The following FBXL17 variants were observed in gnomAD, a reference collection of about 807,000 sequenced individuals.
FBXL17 encodes the protein F-box and leucine rich repeat protein 17.
A neutral mutation model predicts 66.2 loss-of-function variants in FBXL17; 22 were observed. The observed-to-expected ratio is 0.33, with a 90% CI of 0.24 to 0.47. The LOEUF is 0.47. Among genes scored for constraint, FBXL17 ranks in the 20% least tolerant of loss-of-function variants. The pLI, the probability that FBXL17 is intolerant of heterozygous loss-of-function variation, is 1.00. For missense variants in FBXL17, 878 were observed against 948.2 expected (o/e 0.93, Z 0.97); for synonymous variants, 474 against 400.5 (o/e 1.18, Z -2.19).
At chr5:108,154,205 A>ATT (rs1380540387) in intron 6 of FBXL17, among the ~76,000 whole-genome samples, 9 of 150,752 alleles carry the variant, frequency 6.0e-5, no homozygotes, top group African/African-American at 1.7e-4. Flanking sequence ...GAGAGAGAGG[A>ATT]GAGAAAGGGA....
chr5:108,049,705 T>A (rs1747397941), intron 6 of FBXL17, among the ~76,000 whole-genome samples: 1 of 152,114 alleles, frequency 6.6e-6, no homozygotes, highest in African/African-American at 2.4e-5. Context: ...CCAGCTAGCA[T>A]CATGATGACA....
At chr5:108,139,626 A>G (rs962597152) in intron 6 of FBXL17, among the ~76,000 whole-genome samples, 4 of 152,136 alleles carry the variant, frequency 2.6e-5, no homozygotes, top group Non-Finnish European at 2.9e-5. Context: ...GCCCTACCCA[A>G]TTGCTTCTCT....
At chr5:107,964,701 A>G (rs1752051013) in intron 7 of FBXL17, among the ~76,000 whole-genome samples, 1 of 152,194 alleles carries the variant, frequency 6.6e-6, no homozygotes, top group Admixed American at 6.6e-5. Context: ...CTCAATTTAC[A>G]TAAAAAGAAG....
At chr5:108,084,616 T>A (rs2149922789) in intron 6 of FBXL17, among the ~76,000 whole-genome samples, 1 of 152,364 alleles carries the variant, frequency 6.6e-6, no homozygotes, top group Non-Finnish European at 1.5e-5. Flanking sequence ...AATAATTTTC[T>A]GAAAGAACTC....
At chr5:107,938,319 A>G (rs1426150118) in intron 7 of FBXL17, among the ~76,000 whole-genome samples, 1 of 151,810 alleles carries the variant, frequency 6.6e-6, no homozygotes, top group African/African-American at 2.4e-5. Context: ...AGAAAAGCTG[A>G]GATCAACTTG....
intron 7 of FBXL17, among the ~76,000 whole-genome samples, chr5:107,908,574 G>A (rs1749839105): frequency 6.6e-6 from 1 of 152,170 alleles, no homozygotes; most frequent in African/African-American, 2.4e-5. Context: ...TCTCCATAAA[G>A]AGCTATGGAT....
intron 1 of FBXL17, among the ~76,000 whole-genome samples, chr5:108,370,008 A>G (rs1451374443): frequency 2.6e-5 from 4 of 152,198 alleles, no homozygotes; most frequent in African/African-American, 9.7e-5. Context: ...TGGACAGGAC[A>G]CCAATGCACC....
chr5:108,040,230 C>T (rs2112801493), intron 6 of FBXL17, among the ~76,000 whole-genome samples: 1 of 152,182 alleles, frequency 6.6e-6, no homozygotes, highest in South Asian at 2.1e-4. Flanking sequence ...AAACAGCTTA[C>T]TTGTGAAAAA....
At chr5:108,045,205 G>C (rs1747205958) in intron 6 of FBXL17, among the ~76,000 whole-genome samples, 1 of 152,132 alleles carries the variant, frequency 6.6e-6, no homozygotes, top group African/African-American at 2.4e-5. Context: ...ACTTTGGGAG[G>C]CTGAGGCAGG....
At chr5:108,010,419 C>T (rs992806421) in intron 7 of FBXL17, among the ~76,000 whole-genome samples, 4 of 152,140 alleles carry the variant, frequency 2.6e-5, no homozygotes, top group Admixed American at 2.6e-4. Context: ...CAAGAAACTA[C>T]AAGCTTTTAG....
rs1489491474 is a variant in FBXL17 at position 107,859,472 on chromosome 5, C to T, written c.*2248G>A. 3.8e-5 allele frequency: 5 copies of T among 132,968 alleles called. No individual in the cohort carries two copies. Among genetic ancestry groups the T allele is most frequent in the Non-Finnish European group, 7.7e-5 (5 of 64,946 alleles). 8.2% of individuals were successfully genotyped at this position (132,968 alleles called of 1,614,324 possible). ...ATTTCTACGGATTTCTACAAATGTACCAAAGCAGTTTTCCAGATTATGTTG... is the reference window on the plus strand; with the variant it reads ...ATTTCTACGGATTTCTACAAATGTATCAAAGCAGTTTTCCAGATTATGTTG... On this transcript the variant is annotated 3_prime_UTR_variant, in exon 9 of 9. Transcript: ENST00000542267.
intron 6 of FBXL17, among the ~76,000 whole-genome samples, chr5:108,105,095 C>A (rs558094278): frequency 3.0e-4 from 46 of 152,300 alleles, no homozygotes; most frequent in African/African-American, 1.1e-3. Context: ...CCCGCCTCGG[C>A]CTCCCGAAGT....
At chr5:108,273,929 T>C (rs1167078115) in intron 4 of FBXL17, among the ~76,000 whole-genome samples, 3 of 152,098 alleles carry the variant, frequency 2.0e-5, no homozygotes, top group Non-Finnish European at 4.4e-5. Context: ...AACTATTATG[T>C]AAAAATCTAG....
rs1165208435 is a variant in FBXL17, at chr5:108,326,045, C to T, written c.1506+22354G>A. On this transcript the variant is annotated intron_variant, in intron 4 of 8. Transcript: ENST00000542267. ...CTGAGTTTACACTTTAAGGGTGGAACATGATAAACAAACAATAACAGAGAA... is the reference window on the plus strand; with the variant it reads ...CTGAGTTTACACTTTAAGGGTGGAATATGATAAACAAACAATAACAGAGAA... 6.8e-4 allele frequency among the ~76,000 whole-genome samples: 104 copies of T among 152,200 alleles called. 1 individual carries two copies. The highest frequency in any genetic ancestry group is 6.8e-3 in the Admixed American group (104 of 15,282).
chr5:107,934,911 G>T (rs552341064), intron 7 of FBXL17, among the ~76,000 whole-genome samples: 1 of 152,156 alleles, frequency 6.6e-6, no homozygotes, highest in East Asian at 1.9e-4. Flanking sequence ...ACAATCGCTG[G>T]CCTAAAACAC....
intron 8 of FBXL17, among the ~76,000 whole-genome samples, chr5:107,870,126 G>A (rs908629978): frequency 3.9e-5 from 6 of 152,094 alleles, no homozygotes; most frequent in African/African-American, 1.5e-4. Context: ...AAGCTACCAG[G>A]AGAGTCCAAA....
chr5:107,889,774 G>A (rs1580686078), intron 7 of FBXL17, among the ~76,000 whole-genome samples: 2 of 152,308 alleles, frequency 1.3e-5, no homozygotes, highest in African/African-American at 4.8e-5. Context: ...CAGCAGCAGC[G>A]AGGATAAGCA....
At chr5:108,010,850 C>T (rs566614926) in intron 7 of FBXL17, among the ~76,000 whole-genome samples, 6 of 152,206 alleles carry the variant, frequency 3.9e-5, no homozygotes, top group African/African-American at 9.6e-5. Context: ...TGGGATGATG[C>T]AAAACCACTG....
intron 7 of FBXL17, among the ~76,000 whole-genome samples, chr5:107,977,223 A>T (rs1752614062): frequency 6.6e-6 from 1 of 152,206 alleles, no homozygotes; most frequent in African/African-American, 2.4e-5. Context: ...AATTTTTTTT[A>T]AATGAGAAGC....
Sources: gnomAD v4.1 joint callset for allele counts (sites outside exome capture counted in the v4.1 genomes callset) on GRCh38, gnomAD v4.1.1 for gene constraint, MANE v1.5 for transcripts, NCBI Gene and HGNC (gene_info 2026-07-23, HGNC 2026-07-21) for gene names.